The following GNA14 variants were observed in gnomAD, a reference collection of about 807,000 sequenced individuals.
GNA14 encodes guanine nucleotide-binding protein subunit alpha-14.
A neutral mutation model predicts 42.0 loss-of-function variants in GNA14; 50 were observed. The ratio of observed to expected loss-of-function variants is 1.19; its 90% CI spans 0.95 to 1.51. The LOEUF (loss-of-function observed/expected upper bound fraction) is 1.51. Ranked by LOEUF, GNA14 falls within the 40% of genes most tolerant of loss-of-function variation. The pLI, the probability that GNA14 is intolerant of heterozygous loss-of-function variation, is 0.00. For synonymous variants in GNA14, 173 were observed against 163.1 expected (o/e 1.06, Z -0.46); for missense variants, 473 against 446.2 (o/e 1.06, Z -0.54).
At chr9:77,435,228 G>T (rs369383209) in intron 2 of GNA14, among the ~76,000 whole-genome samples, 1 of 151,848 alleles carries the variant, frequency 6.6e-6, no homozygotes, top group Non-Finnish European at 1.5e-5. Context: ...ATGGCGGCGC[G>T]TGCCTGTAAT....
In GNA14 at chr9:77,425,725, A is replaced by G; in HGVS notation, c.724-10T>C. ...TCTCTTCCATGCGATTCTAAGTGAA[A>G]AACAAGGGACTTGGGATGAAGTAGA... On this transcript the variant is annotated splice_polypyrimidine_tract_variant and intron_variant, in intron 5 of 6. Coordinates refer to ENST00000341700, the MANE Select transcript of GNA14 (RefSeq NM_004297.4). 6.3e-7 allele frequency: 1 copy of G among 1,582,904 alleles called. No homozygotes were observed. Among genetic ancestry groups the G allele is most frequent in the Non-Finnish European group, 8.6e-7 (1 of 1,165,846 alleles).
chr9:77,467,530 A>C (rs1836257733), intron 2 of GNA14, among the ~76,000 whole-genome samples: 1 of 150,230 alleles, frequency 6.7e-6, no homozygotes, highest in East Asian at 2.0e-4. Context: ...TCATGGAGCT[A>C]CCAGCCCCCA....
chr9:77,560,345 G>A (rs11793097), intron 1 of GNA14, among the ~76,000 whole-genome samples: 5,379 of 141,012 alleles, frequency 0.038, 390 homozygotes, highest in Admixed American at 0.2. Flanking sequence ...CTGGAGTGCA[G>A]TGGCACGATC....
intron 1 of GNA14, among the ~76,000 whole-genome samples, chr9:77,634,417 GA>G (rs11384727): frequency 0.025 from 2,081 of 84,762 alleles, 24 homozygotes; most frequent in East Asian, 0.17. Context: ...GTCTCAAAAA[GA>G]AAAAAAAAAA....
intron 1 of GNA14, among the ~76,000 whole-genome samples, chr9:77,591,837 C>G (rs971801017): frequency 1.1e-4 from 17 of 152,076 alleles, no homozygotes; most frequent in African/African-American, 3.9e-4. Flanking sequence ...TCCCATAATA[C>G]TTCTCATGCA....
chr9:77,549,551 C>A (rs746551505), intron 1 of GNA14, among the ~76,000 whole-genome samples: 7 of 152,132 alleles, frequency 4.6e-5, no homozygotes, highest in Admixed American at 6.5e-5. Flanking sequence ...GCTTTGGTCT[C>A]CCCCACAACT....
chr9:77,445,967 T>C (rs1456686845), intron 2 of GNA14, among the ~76,000 whole-genome samples: 4 of 152,238 alleles, frequency 2.6e-5, no homozygotes, highest in African/African-American at 9.6e-5. Flanking sequence ...CTCTTTTGTC[T>C]GTGCCTATCT....
intron 5 of GNA14, 50 bp from the exon 6 acceptor site, chr9:77,425,765 G>C: frequency 7.3e-7 from 1 of 1,372,150 alleles, no homozygotes; most frequent in Non-Finnish European, 1.0e-6. Flanking sequence ...AAATATTTTG[G>C]AAACAACATG....
At chr9:77,564,304 A>AAC (rs759395966) in intron 1 of GNA14, among the ~76,000 whole-genome samples, 3 of 146,940 alleles carry the variant, frequency 2.0e-5, no homozygotes, top group Non-Finnish European at 4.6e-5. Flanking sequence ...TTTAAAAAAA[A>AAC]AAAAAAAAAA....
chr9:77,546,345 C>G (rs889772022), intron 1 of GNA14, among the ~76,000 whole-genome samples: 3 of 151,928 alleles, frequency 2.0e-5, no homozygotes, highest in Admixed American at 2.0e-4. Flanking sequence ...ATATACCCTC[C>G]CCTTGTAAAT....
chr9:77,536,565 G>C (rs1312522866), intron 1 of GNA14, among the ~76,000 whole-genome samples: 2 of 152,138 alleles, frequency 1.3e-5, no homozygotes, highest in African/African-American at 4.8e-5. Context: ...TGGCCAGGCT[G>C]GTCTCGAACT....
chr9:77,605,067 C>CA (rs1174851642), intron 1 of GNA14, among the ~76,000 whole-genome samples: 1 of 152,234 alleles, frequency 6.6e-6, no homozygotes, highest in Non-Finnish European at 1.5e-5. Context: ...GTTTAAATGT[C>CA]ACTGTAACTT....
At position 77,425,651 on chromosome 9, in the gene GNA14, G is replaced by C. The variant is rs773830556; in HGVS notation, c.788C>G (p.Ser263Trp). ...TIITYPWFLN[S>W]SVILFLNKKD... ...CTTGTTCAAGAATAAAATCACAGAC[G>C]AATTCAGAAACCAGGGGTAGGTGAT... is the stretch of plus-strand genomic sequence containing the variant. Residue 263 changes from serine (S) to tryptophan (W), a missense_variant, in exon 6 of 7, where the codon TCG becomes TGG. By Grantham distance (177) the Ser-to-Trp change is radical. Transcript: ENST00000341700. 6.2e-7 allele frequency: 1 copy of C among 1,607,252 alleles called. No homozygotes were observed. Among genetic ancestry groups the C allele is most frequent in the Non-Finnish European group, 8.5e-7 (1 of 1,173,958 alleles).
At chr9:77,499,717 G>T (rs1348514718) in intron 2 of GNA14, among the ~76,000 whole-genome samples, 2 of 152,046 alleles carry the variant, frequency 1.3e-5, no homozygotes, top group African/African-American at 4.8e-5. Flanking sequence ...GGGCATGGTG[G>T]CGCGCTCCTG....
At chr9:77,634,794 T>C (rs894542293) in intron 1 of GNA14, among the ~76,000 whole-genome samples, 3 of 152,198 alleles carry the variant, frequency 2.0e-5, no homozygotes, top group Admixed American at 2.0e-4. Flanking sequence ...TGTAAACCAC[T>C]ATAAAGAGAG....
intron 1 of GNA14, among the ~76,000 whole-genome samples, chr9:77,570,542 GTTTA>G (rs999328795): frequency 1.1e-4 from 16 of 151,974 alleles, no homozygotes; most frequent in Middle Eastern, 6.8e-3. Context: ...ATTTTTTTAG[GTTTA>G]TTTATCTGGT....
Position 77,617,150 on chromosome 9 carries a change from G to A in GNA14, c.124+30520C>T, listed in dbSNP as rs141618812. On this transcript the variant is annotated intron_variant, in intron 1 of 6. Transcript: ENST00000341700. The stretch of plus-strand genomic sequence containing the variant: ...CTCCCAAAGTGTTGGGATTACAGGC[G>A]TGAGCCACTGCGCTCGGCCTCTAGC... Among the ~76,000 whole-genome samples, 12 of 152,056 alleles carry A rather than the reference G, an allele frequency of 7.9e-5. No homozygotes were observed. In the East Asian group the frequency reaches 2.3e-3, roughly 30 times the overall value.
At chr9:77,626,934 A>G (rs1310092147) in intron 1 of GNA14, among the ~76,000 whole-genome samples, 3 of 152,218 alleles carry the variant, frequency 2.0e-5, no homozygotes, top group Non-Finnish European at 2.9e-5. Flanking sequence ...TAAAAAATCA[A>G]TGAACGCAGG....
At chr9:77,496,388 G>C (rs1359196238) in intron 2 of GNA14, among the ~76,000 whole-genome samples, 2 of 152,134 alleles carry the variant, frequency 1.3e-5, no homozygotes, top group Non-Finnish European at 2.9e-5. Flanking sequence ...CCTTCAAGAA[G>C]AGCTTTGCCC....
Sources: allele counts gnomAD v4.1 joint callset (sites outside exome capture counted in the v4.1 genomes callset), GRCh38; gene constraint gnomAD v4.1.1; transcripts MANE v1.5; gene names NCBI Gene and HGNC (gene_info 2026-07-23, HGNC 2026-07-21).